The following STAMBPL1 variants were observed in gnomAD, a reference collection of about 807,000 sequenced individuals.
STAMBPL1 encodes AMSH-like protease.
Under a neutral mutation model 52.9 loss-of-function variants are expected in STAMBPL1, and 44 were observed. The observed-to-expected ratio is 0.83, with a 90% confidence interval of 0.65 to 1.07. The LOEUF (loss-of-function observed/expected upper bound fraction) is 1.07. Among genes scored for constraint, STAMBPL1 ranks in the 50% least tolerant of loss-of-function variants. The pLI, the probability that STAMBPL1 is intolerant of heterozygous loss-of-function variation, is 0.00. For missense variants in STAMBPL1, 511 were observed against 520.8 expected (o/e 0.98, Z 0.18); for synonymous variants, 164 against 177.3 (o/e 0.92, Z 0.60).
chr10:88,897,155 ACTTACC>A (rs1251128467), intron 1 of STAMBPL1, among the ~76,000 whole-genome samples: 9 of 152,190 alleles, frequency 5.9e-5, no homozygotes, highest in African/African-American at 2.2e-4. Flanking sequence ...TGGAGAGGAT[ACTTACC>A]CCCTCCCAGG....
intron 1 of STAMBPL1, among the ~76,000 whole-genome samples, chr10:88,891,856 A>G (rs1422692032): frequency 6.6e-6 from 1 of 152,224 alleles, no homozygotes; most frequent in African/African-American, 2.4e-5. Flanking sequence ...GTAACATTGA[A>G]TAAATGAATG....
chr10:88,883,421 A>G (rs1362714598), intron 1 of STAMBPL1, among the ~76,000 whole-genome samples: 1 of 152,240 alleles, frequency 6.6e-6, no homozygotes, highest in Non-Finnish European at 1.5e-5. Flanking sequence ...TATTCCACCT[A>G]TCTGAACATG....
Position 88,922,445 on chromosome 10 carries a change from A to G in STAMBPL1, c.1254+9A>G, listed in dbSNP as rs376362608. On this transcript the variant is annotated intron_variant, in intron 10 of 10. Transcript: ENST00000371926. ...AGCCCAGGCTGTTCAGTGTGAGTACATCATATTAGTTATTTTTCCAGGTAT... is the reference window on the plus strand; with the variant it reads ...AGCCCAGGCTGTTCAGTGTGAGTACGTCATATTAGTTATTTTTCCAGGTAT... 2.9e-5 allele frequency: 47 copies of G among 1,611,984 alleles called. No homozygotes were observed. Among genetic ancestry groups the G allele is most frequent in the Non-Finnish European group, 3.6e-5 (43 of 1,178,826 alleles).
intron 1 of STAMBPL1, among the ~76,000 whole-genome samples, chr10:88,880,955 C>T (rs993845234): frequency 1.3e-5 from 2 of 152,104 alleles, no homozygotes; most frequent in Non-Finnish European, 2.9e-5. Flanking sequence ...GTGACCTATA[C>T]GTGGGTGCGC....
chr10:88,916,149 A>T (rs1845364379), intron 7 of STAMBPL1, among the ~76,000 whole-genome samples: 1 of 152,150 alleles, frequency 6.6e-6, no homozygotes, highest in Non-Finnish European at 1.5e-5. Context: ...AGAAGATCCT[A>T]GTAAGTCCTC....
At chr10:88,902,876 T>C (rs1844980797) in intron 2 of STAMBPL1, among the ~76,000 whole-genome samples, 1 of 152,144 alleles carries the variant, frequency 6.6e-6, no homozygotes, top group Non-Finnish European at 1.5e-5. Context: ...GCCCCTAATG[T>C]TTTTTCTTGA....
At chr10:88,908,319 T>C (rs1845127982) in intron 3 of STAMBPL1, among the ~76,000 whole-genome samples, 1 of 151,730 alleles carries the variant, frequency 6.6e-6, no homozygotes, top group Admixed American at 6.6e-5. Flanking sequence ...TTTTCAAGAG[T>C]GAGAAGGGAT....
intron 7 of STAMBPL1, among the ~76,000 whole-genome samples, chr10:88,915,768 T>C (rs1845353426): frequency 6.6e-6 from 1 of 152,052 alleles, no homozygotes; most frequent in East Asian, 1.9e-4. Flanking sequence ...TCATGGGAGT[T>C]TGTAACTGGG....
At chr10:88,908,920 T>C in intron 4 of STAMBPL1, 143 bp downstream of exon 4, 1 of 656,734 alleles carries the variant, frequency 1.5e-6, no homozygotes, top group Non-Finnish European at 2.5e-6. Flanking sequence ...GATGTTTCGA[T>C]TTTTTCTTAG....
chr10:88,908,202 T>C (rs1209691260), intron 3 of STAMBPL1, among the ~76,000 whole-genome samples: 1 of 152,238 alleles, frequency 6.6e-6, no homozygotes, highest in African/African-American at 2.4e-5. Context: ...TAGCAACTCC[T>C]AATTCACTAG....
At chr10:88,880,943 C>A (rs1287197348) in intron 1 of STAMBPL1, among the ~76,000 whole-genome samples, 1 of 152,154 alleles carries the variant, frequency 6.6e-6, no homozygotes, top group Admixed American at 6.5e-5. Context: ...GGGACTCTGG[C>A]CGTGACCTAT....
intron 4 of STAMBPL1, 141 bp downstream of exon 4, chr10:88,908,918 G>A (rs1053937744): frequency 1.2e-5 from 8 of 659,254 alleles, no homozygotes; most frequent in Admixed American, 7.3e-5. Flanking sequence ...ATGATGTTTC[G>A]ATTTTTTCTT....
At chr10:88,910,629 G>C (rs1234139571) in intron 4 of STAMBPL1, among the ~76,000 whole-genome samples, 7 of 152,150 alleles carry the variant, frequency 4.6e-5, no homozygotes, top group African/African-American at 1.7e-4. Context: ...CACAAAGGTA[G>C]CCACAAAGTT....
intron 2 of STAMBPL1, 47 bp from the exon 3 acceptor site, chr10:88,905,396 C>A: frequency 2.1e-6 from 3 of 1,450,300 alleles, no homozygotes; most frequent in Admixed American, 1.7e-5. Flanking sequence ...ATATCCTTTT[C>A]TTACTATAAT....
intron 5 of STAMBPL1, chr10:88,912,849 G>A (rs144496316): frequency 4.6e-6 from 2 of 431,520 alleles, no homozygotes; most frequent in Non-Finnish European, 8.3e-6. Context: ...AAGCATTAGG[G>A]AATGAAGGGA....
intron 6 of STAMBPL1, among the ~76,000 whole-genome samples, chr10:88,914,082 GA>G (rs1383191510): frequency 6.6e-6 from 1 of 152,148 alleles, no homozygotes; most frequent in Non-Finnish European, 1.5e-5. Context: ...CAACCATTTT[GA>G]AAGTTACTTT....
At chr10:88,906,374 G>A (rs1398923996) in intron 3 of STAMBPL1, among the ~76,000 whole-genome samples, 1 of 152,020 alleles carries the variant, frequency 6.6e-6, no homozygotes, top group Non-Finnish European at 1.5e-5. Context: ...TATAAATCTG[G>A]TAACTTACTA....
chr10:88,910,277 C>A (rs1845187007), intron 4 of STAMBPL1, among the ~76,000 whole-genome samples: 1 of 152,126 alleles, frequency 6.6e-6, no homozygotes, highest in Non-Finnish European at 1.5e-5. Context: ...GACTTTCAGT[C>A]TCTCCAGGCC....
Position 88,923,436 on chromosome 10 carries a change from C to T in STAMBPL1, c.*212C>T. Reference sequence around the variant, plus strand: ...AGGTTACATGGTGTTAAATCGGTACCTGATAATGTACCCAAATACTATGGC... The same window carrying T: ...AGGTTACATGGTGTTAAATCGGTACTTGATAATGTACCCAAATACTATGGC... On this transcript the variant is annotated 3_prime_UTR_variant, in exon 11 of 11. Transcript: ENST00000371926. 1 of 1,270,732 alleles carries T rather than the reference C, an allele frequency of 7.9e-7. No homozygotes were observed. The highest frequency in any genetic ancestry group is 9.9e-7 in the Non-Finnish European group (1 of 1,010,674). The allele number at this position is 1,270,732 out of a possible 1,614,324, so 78.7% of individuals were successfully genotyped here.
Sources: gnomAD v4.1 joint callset for allele counts (sites outside exome capture counted in the v4.1 genomes callset) on GRCh38, gnomAD v4.1.1 for gene constraint, MANE v1.5 for transcripts, NCBI Gene and HGNC (gene_info 2026-07-23, HGNC 2026-07-21) for gene names.